SLC26A3: variants seen among roughly 807,000 people sequenced by gnomAD.
The protein encoded by SLC26A3 is chloride anion exchanger.
SLC26A3 carries 64 observed loss-of-function variants against 85.6 expected under a neutral mutation model. That is an observed-to-expected ratio of 0.75 (90% CI 0.61 to 0.92). SLC26A3 has a LOEUF of 0.92. SLC26A3 is among the 40% of genes least tolerant of loss of function. The pLI is 0.00. For synonymous variants in SLC26A3, 349 were observed against 336.0 expected, an observed-to-expected ratio of 1.04 and a Z score of -0.42; for missense variants, 922 against 927.3, an observed-to-expected ratio of 0.99 and a Z score of 0.07.
chr7:107,783,288 T>G lies in SLC26A3; in HGVS notation c.1036A>C (p.Ile346Leu), dbSNP rs766985569. ...FQNTVGDCFG[I>L]AMVAFAVAFS... ...GCCACTGCAAATGCAACCATTGCGA[T>G]GCCGAAGCAATCTCCTACGGTGTTT... Residue 346 changes from isoleucine (I) to leucine (L), a missense_variant, in exon 9 of 21, where the codon ATC (isoleucine) becomes CTC (leucine). By Grantham distance (5) the Ile-to-Leu change is conservative. Coordinates refer to ENST00000340010, the MANE Select transcript of SLC26A3 (RefSeq NM_000111.3). 6.2e-7 allele frequency: 1 copy of G among 1,614,128 alleles called. No homozygotes were observed. The highest frequency in any genetic ancestry group is 8.5e-7 in the Non-Finnish European group (1 of 1,180,036).
chr7:107,779,628 G>T, intron 12 of SLC26A3, 40 bp downstream of exon 12: 1 of 1,462,280 alleles, frequency 6.8e-7, no homozygotes, highest in Non-Finnish European at 9.6e-7. Context: ...AAATGCTATT[G>T]TGATTTATCT....
chr7:107,786,613 GAA>G (rs200098446), intron 8 of SLC26A3, among the ~76,000 whole-genome samples: 29 of 132,324 alleles, frequency 2.2e-4, no homozygotes, highest in Non-Finnish European at 2.6e-4. Flanking sequence ...GTGGGGAGGC[GAA>G]AAAAAAAAAA....
At chr7:107,787,785 T>A (rs1794323651) in intron 6 of SLC26A3, among the ~76,000 whole-genome samples, 1 of 152,234 alleles carries the variant, frequency 6.6e-6, no homozygotes, top group Admixed American at 6.5e-5. Flanking sequence ...GTGTCAAATT[T>A]TGTTGGATAC....
intron 1 of SLC26A3, 142 bp from the exon 2 acceptor site, chr7:107,794,739 C>T: frequency 1.9e-6 from 1 of 537,586 alleles, no homozygotes. Flanking sequence ...TGTTTTGCGA[C>T]AGCGATGTTT....
At chr7:107,766,675 A>G (rs1184488204) in intron 20 of SLC26A3, among the ~76,000 whole-genome samples, 4 of 152,202 alleles carry the variant, frequency 2.6e-5, no homozygotes, top group Admixed American at 2.6e-4. Context: ...ACTAAGAGAA[A>G]TACCACCAGC....
intron 6 of SLC26A3, among the ~76,000 whole-genome samples, chr7:107,788,015 G>C (rs1003186139): frequency 6.6e-6 from 1 of 152,084 alleles, no homozygotes; most frequent in Non-Finnish European, 1.5e-5. Flanking sequence ...CTGGCTAACT[G>C]TGCACTATGC....
In SLC26A3 at chr7:107,783,185, A is replaced by G. The variant is rs377165259; in HGVS notation, c.1119+20T>C. The G allele has an allele frequency of 4.3e-6, 7 of 1,614,040 alleles. No homozygotes were observed. In the African/African-American group the frequency reaches 8.0e-5, roughly 18 times the overall value. On this transcript the variant is annotated intron_variant, in intron 9 of 20. Coordinates refer to ENST00000340010, the MANE Select transcript of SLC26A3 (RefSeq NM_000111.3). The stretch of plus-strand genomic sequence containing the variant: ...TATTTAAAGTTGCCCAGTGAGACCC[A>G]GTGTAGTTTGTTTACTTACCTGATT...
At chr7:107,797,390 A>T (rs180843077) in intron 1 of SLC26A3, among the ~76,000 whole-genome samples, 2 of 152,282 alleles carry the variant, frequency 1.3e-5, no homozygotes, top group Admixed American at 1.3e-4. Flanking sequence ...GTTACTCGGG[A>T]GGCTGAGACA....
chr7:107,788,241 G>A (rs1473437373), intron 6 of SLC26A3, among the ~76,000 whole-genome samples: 1 of 152,086 alleles, frequency 6.6e-6, no homozygotes, highest in East Asian at 1.9e-4. Flanking sequence ...CTACCATCGA[G>A]CTAATGTTAA....
intron 1 of SLC26A3, among the ~76,000 whole-genome samples, chr7:107,795,952 C>T (rs1794488962): frequency 6.6e-6 from 1 of 152,024 alleles, no homozygotes; most frequent in Non-Finnish European, 1.5e-5. Context: ...TCTCTTTGAT[C>T]ACTCATTTTT....
intron 17 of SLC26A3, among the ~76,000 whole-genome samples, chr7:107,772,644 G>C (rs2115806965): frequency 6.6e-6 from 1 of 152,286 alleles, no homozygotes; most frequent in East Asian, 1.9e-4. Flanking sequence ...GATCAGGTTA[G>C]ATGATCATTA....
intron 8 of SLC26A3, among the ~76,000 whole-genome samples, chr7:107,784,183 CT>C (rs1167247424): frequency 6.6e-6 from 1 of 152,132 alleles, no homozygotes; most frequent in African/African-American, 2.4e-5. Context: ...ATTTTTATCT[CT>C]AATTTTGAAG....
chr7:107,789,557 G>A lies in SLC26A3; in HGVS notation c.702C>T (p.Val234=), dbSNP rs1794357444. ...SQLKFIFQLT[V]PSHTDPVSIF... ...TTGAAACTGGATCAGTGTGTGACGG[G>A]ACTGTCAACTGAAAAATGAATTTGA... is the stretch of plus-strand genomic sequence containing the variant. The change falls in exon 6 of 21, where the codon GTC becomes GTT. Residue 234 remains valine, a synonymous_variant. Coordinates refer to ENST00000340010, the MANE Select transcript of SLC26A3 (RefSeq NM_000111.3). The A allele has an allele frequency of 6.2e-7, 1 of 1,614,050 alleles. No individual in the cohort carries two copies. Among genetic ancestry groups the A allele is most frequent in the Non-Finnish European group, 8.5e-7 (1 of 1,179,986 alleles).
chr7:107,796,649 G>C (rs894646758), intron 1 of SLC26A3, among the ~76,000 whole-genome samples: 3 of 152,116 alleles, frequency 2.0e-5, no homozygotes, highest in Non-Finnish European at 4.4e-5. Flanking sequence ...CAACAACATG[G>C]TTGGGGCAAT....
At position 107,774,141 on chromosome 7, in the gene SLC26A3, A is replaced by C. The variant is rs201220816; in HGVS notation, c.1786T>G (p.Cys596Gly). 202 of 1,613,032 alleles carry C rather than the reference A, an allele frequency of 1.3e-4. 2 individuals carry two copies. Among genetic ancestry groups the C allele is most frequent in the Non-Finnish European group, 2.4e-5 (28 of 1,179,090 alleles). ...GAATCTTTTATGGTGTCAACAGTAC[A>C]TATAAATCCTTTCTGCAGGAGAGGA... ...LLQVTPKGFI[C>G]TVDTIKDSDE... The change falls in exon 17 of 21, where the codon TGT becomes GGT. Residue 596 changes from cysteine (C) to glycine (G), a missense_variant. Coordinates refer to ENST00000340010, the MANE Select transcript of SLC26A3 (RefSeq NM_000111.3).
rs1794117253 is a variant in SLC26A3 at position 107,776,455 on chromosome 7, A to G, written c.1674T>C (p.Asp558=). 1.2e-6 allele frequency: 2 copies of G among 1,611,912 alleles called. No homozygotes were observed. The highest frequency in any genetic ancestry group is 8.5e-7 in the Non-Finnish European group (1 of 1,178,100). The part of the protein sequence containing the change: ...NIGFFRRKLI[D]AVGFSPLRIL... ...ATTAAATAACCCCAAACCTTACAGC[A>G]TCGATAAGTTTCCGCCTAAAGAAAC... Residue 558 remains aspartate (D), a synonymous_variant, in exon 15 of 21, where the codon GAT becomes GAC. Transcript: ENST00000340010.
intron 3 of SLC26A3, among the ~76,000 whole-genome samples, chr7:107,792,855 G>C (rs947821280): frequency 6.6e-6 from 1 of 152,096 alleles, no homozygotes; most frequent in Non-Finnish European, 1.5e-5. Flanking sequence ...ACAAGGGTCT[G>C]GTATCCAGAA....
chr7:107,781,905 G>T (rs1794221144), intron 11 of SLC26A3, among the ~76,000 whole-genome samples: 1 of 152,102 alleles, frequency 6.6e-6, no homozygotes, highest in Non-Finnish European at 1.5e-5. Flanking sequence ...TAACAATAAT[G>T]ACTATCATTT....
intron 18 of SLC26A3, among the ~76,000 whole-genome samples, chr7:107,770,052 C>CTTTCTTTCTTTCTTTCTT (rs1562874255): frequency 1.2e-4 from 4 of 32,584 alleles, no homozygotes; most frequent in Non-Finnish European, 2.4e-4. Context: ...CTTTCTTTCT[C>CTTTCTTTCTTTCTTTCTT]TTTTCTTTCT....
Sources: allele counts gnomAD v4.1 joint callset (sites outside exome capture counted in the v4.1 genomes callset), GRCh38; gene constraint gnomAD v4.1.1; transcripts MANE v1.5; gene names NCBI Gene and HGNC (gene_info 2026-07-23, HGNC 2026-07-21).